The following IL27 variants were observed in gnomAD, a reference collection of about 807,000 sequenced individuals.
IL27 encodes the protein interleukin 27.
IL27 carries 11 observed loss-of-function variants against 27.0 expected under a neutral mutation model. The ratio of observed to expected loss-of-function variants is 0.41; its 90% CI spans 0.26 to 0.67. The LOEUF is 0.67. Among genes scored for constraint, IL27 ranks in the 30% least tolerant of loss-of-function variants. IL27 has a pLI of 0.34. For synonymous variants in IL27, 134 were observed against 140.6 expected (o/e 0.95, Z 0.33); for missense variants, 299 against 310.4 (o/e 0.96, Z 0.28).
chr16:28,506,740 C>A, intron 1 of IL27, 41 bp downstream of exon 1: 1 of 1,603,916 alleles, frequency 6.2e-7, no homozygotes, highest in Non-Finnish European at 8.5e-7. Context: ...CATTCTCTGC[C>A]CAAACTCAAC....
At chr16:28,500,990 G>T (rs1457180971) in intron 4 of IL27, among the ~76,000 whole-genome samples, 2 of 152,132 alleles carry the variant, frequency 1.3e-5, no homozygotes, top group African/African-American at 4.8e-5. Context: ...GCGAGGTCAG[G>T]AGTCTGAGAC....
rs914258679 is a variant in IL27 at position 28,501,434 on chromosome 16, TCA to T, written c.462+540_462+541del. ...CACACTCATACAGACCCACACACAC[TCA>T]CAGTCACACCCACACACTCACACAC... On this transcript the variant is annotated intron_variant, in intron 4 of 4. Coordinates refer to ENST00000356897, the MANE Select transcript of IL27 (RefSeq NM_145659.3). Among the ~76,000 whole-genome samples the T allele has an allele frequency of 5.7e-5, 8 of 141,400 alleles. No individual in the cohort carries two copies. The East Asian group carries it at 6.8e-4, about 12-fold the overall frequency. 92.8% of individuals were successfully genotyped at this position (141,400 alleles called of 152,430 possible). A position where few individuals can be genotyped will look rare whatever the true frequency, so the allele number is the denominator to read the frequency against.
chr16:28,505,166 T>C (rs2046454402), intron 1 of IL27, among the ~76,000 whole-genome samples: 3 of 152,226 alleles, frequency 2.0e-5, no homozygotes, highest in South Asian at 4.1e-4. Flanking sequence ...CAAGGATTCT[T>C]TGGGCTCAGC....
chr16:28,499,390 G>A lies in IL27; in HGVS notation c.*261C>T. On this transcript the variant is annotated 3_prime_UTR_variant, in exon 5 of 5. Transcript: ENST00000356897. ...ATGAGAGTGCTTTATTGGGCACCCAGCATGGGGGCTTGGCCCGAGGAGGAC... is the reference window on the plus strand; with the variant it reads ...ATGAGAGTGCTTTATTGGGCACCCAACATGGGGGCTTGGCCCGAGGAGGAC... 2.2e-6 allele frequency: 1 copy of A among 459,732 alleles called. No individual in the cohort carries two copies. Among genetic ancestry groups the A allele is most frequent in the Non-Finnish European group, 3.9e-6 (1 of 254,732 alleles). The allele number at this position is 459,732 out of a possible 1,614,324, so 28.5% of individuals were successfully genotyped here.
chr16:28,506,797 T>G lies in IL27; in HGVS notation c.15A>C (p.Ala5=), dbSNP rs529126009. The G allele has an allele frequency of 1.3e-4, 215 of 1,612,362 alleles. No homozygotes were observed. The highest frequency in any genetic ancestry group is 1.8e-4 in the Non-Finnish European group (208 of 1,179,250). Reference sequence around the variant, plus strand: ...CAAACTCACGCCAGCCAAGGTCGCCTGCCGTCTGGCCCATGGCGGGGCCCA... The same window carrying G: ...CAAACTCACGCCAGCCAAGGTCGCCGGCCGTCTGGCCCATGGCGGGGCCCA... MGQT[A]GDLGWRLSLL... is the part of the protein sequence containing the mutation. The change falls in exon 1 of 5, where the codon GCA becomes GCC. Residue 5 remains alanine, a synonymous_variant. Transcript: ENST00000356897.
At chr16:28,500,327 T>A (rs1263248177) in intron 4 of IL27, among the ~76,000 whole-genome samples, 1 of 151,382 alleles carries the variant, frequency 6.6e-6, no homozygotes, top group African/African-American at 2.4e-5. Context: ...CAGGCTGGAG[T>A]GCAGTGGGGT....
chr16:28,506,662 A>C (rs2046462499), intron 1 of IL27, 119 bp downstream of exon 1: 3 of 994,276 alleles, frequency 3.0e-6, no homozygotes, highest in Non-Finnish European at 4.5e-6. Context: ...CAGCCAGCCG[A>C]ATCCTCAGTC....
intron 3 of IL27, 48 bp from the exon 4 acceptor site, chr16:28,502,182 C>T: frequency 6.6e-7 from 1 of 1,504,652 alleles, no homozygotes; most frequent in Non-Finnish European, 9.0e-7. Flanking sequence ...CCAAGGATGG[C>T]CATATCACAC....
intron 1 of IL27, among the ~76,000 whole-genome samples, chr16:28,504,444 G>A (rs1426088765): frequency 6.6e-6 from 1 of 152,072 alleles, no homozygotes; most frequent in East Asian, 1.9e-4. Context: ...CTGTGCTCCA[G>A]CCTGGGCGAC....
In IL27 at chr16:28,506,827, C is replaced by T. The variant is rs761679850; in HGVS notation, c.-16G>A. ...TCTGGCCCATGGCGGGGCCCAGCCT[C>T]TTTGGTCAGCCATCTCCTGGGTAGG... On this transcript the variant is annotated 5_prime_UTR_variant, in exon 1 of 5. Coordinates refer to ENST00000356897, the MANE Select transcript of IL27 (RefSeq NM_145659.3). 6.2e-7 allele frequency: 1 copy of T among 1,611,258 alleles called. No individual in the cohort carries two copies. Among genetic ancestry groups the T allele is most frequent in the Non-Finnish European group, 8.5e-7 (1 of 1,178,736 alleles).
rs932977590 is a variant in IL27 at position 28,499,535 on chromosome 16, G to C, written c.*116C>G. On this transcript the variant is annotated 3_prime_UTR_variant, in exon 5 of 5. Transcript: ENST00000356897. ...CAGTTACTGGGTAGAGCCTGGGGCA[G>C]GGGGCTGGAAGAGCCCTCCCTTGTC... The C allele has an allele frequency of 2.8e-6, 2 of 725,126 alleles. No homozygotes were observed. The highest frequency in any genetic ancestry group is 3.6e-5 in the African/African-American group (2 of 56,286). The allele number at this position is 725,126 out of a possible 1,614,324, so 44.9% of individuals were successfully genotyped here.
chr16:28,505,929 G>T (rs1187411592), intron 1 of IL27, among the ~76,000 whole-genome samples: 1 of 152,098 alleles, frequency 6.6e-6, no homozygotes, highest in Non-Finnish European at 1.5e-5. Flanking sequence ...TCCCTCGTGG[G>T]CTTGCAGATG....
At position 28,499,555 on chromosome 16, in the gene IL27, C is replaced by T. The variant is rs941261799; in HGVS notation, c.*96G>A. 1.0e-6 allele frequency: 1 copy of T among 994,904 alleles called. No individual in the cohort carries two copies. The highest frequency in any genetic ancestry group is 1.6e-5 in the African/African-American group (1 of 61,776). 61.6% of individuals were successfully genotyped at this position (994,904 alleles called of 1,614,324 possible). ...GGGCAGGGGGCTGGAAGAGCCCTCCCTTGTCCAAGGCTGATGATGCGAAGG... is the reference window on the plus strand; with the variant it reads ...GGGCAGGGGGCTGGAAGAGCCCTCCTTTGTCCAAGGCTGATGATGCGAAGG... On this transcript the variant is annotated 3_prime_UTR_variant, in exon 5 of 5. Coordinates refer to ENST00000356897, the MANE Select transcript of IL27 (RefSeq NM_145659.3).
rs759479578 is a variant in IL27, at chr16:28,501,992, C to G, written c.446G>C (p.Arg149Pro). ...AMRLDLRDLQ[R>P]HLRFQVLAAG... The stretch of plus-strand genomic sequence containing the variant: ...GGGCTCTACCTGGAAGCGGAGGTGC[C>G]GCTGCAGATCGCGGAGGTCCAGCCT... Residue 149 changes from arginine to proline, a missense_variant, in exon 4 of 5, where the codon CGG (arginine) becomes CCG (proline). Arg to Pro is a moderately radical substitution (Grantham distance 103). Coordinates refer to ENST00000356897, the MANE Select transcript of IL27 (RefSeq NM_145659.3). 6.2e-7 allele frequency: 1 copy of G among 1,606,992 alleles called. No homozygotes were observed.
chr16:28,500,408 G>A (rs1247949089), intron 4 of IL27, among the ~76,000 whole-genome samples: 4 of 152,038 alleles, frequency 2.6e-5, no homozygotes, highest in Non-Finnish European at 5.9e-5. Flanking sequence ...CTGAGTAGCT[G>A]GGACTACAGA....
At chr16:28,506,430 C>T (rs570326935) in intron 1 of IL27, among the ~76,000 whole-genome samples, 6 of 152,306 alleles carry the variant, frequency 3.9e-5, no homozygotes, top group East Asian at 1.9e-4. Context: ...TTCCTCCAGC[C>T]GGCCCCATTC....
intron 3 of IL27, among the ~76,000 whole-genome samples, 178 bp downstream of exon 3, chr16:28,503,517 T>C (rs1173894577): frequency 6.6e-6 from 1 of 152,210 alleles, no homozygotes; most frequent in Non-Finnish European, 1.5e-5. Context: ...CCTCCCAAAG[T>C]GCTGGGTTTA....
rs201036697 is a variant in IL27 at position 28,499,811 on chromosome 16, C to A, written c.572G>T (p.Gly191Val). ...LPGALGSALQ[G>V]PAQVSWPQLL... ...CTGGGGCCAGGACACCTGGGCCGGG[C>A]CCTGTAAGGCGCTGCCCAGTGCCCC... Residue 191 changes from glycine (G) to valine (V), a missense_variant, in exon 5 of 5, where the codon GGC (glycine) becomes GTC (valine). Coordinates refer to ENST00000356897, the MANE Select transcript of IL27 (RefSeq NM_145659.3). 6 of 1,598,258 alleles carry A rather than the reference C, an allele frequency of 3.8e-6. No homozygotes were observed. The highest frequency in any genetic ancestry group is 1.3e-5 in the African/African-American group (1 of 74,526).
Position 28,499,881 on chromosome 16 carries a change from C to T in IL27, c.502G>A (p.Glu168Lys). 6.4e-7 allele frequency: 1 copy of T among 1,552,222 alleles called. No individual in the cohort carries two copies. The highest frequency in any genetic ancestry group is 8.7e-7 in the Non-Finnish European group (1 of 1,147,156). ...TCCTCCTCCTCCTCCTCCTCTTCCTCCTCCTCCTCCTCCGGGAGGTTGAAT... is the reference window on the plus strand; with the variant it reads ...TCCTCCTCCTCCTCCTCCTCTTCCTTCTCCTCCTCCTCCGGGAGGTTGAAT... ...AGFNLPEEEE[E>K]EEEEEEEERK... The change falls in exon 5 of 5, where the codon GAG becomes AAG. Residue 168 changes from glutamate (E) to lysine (K), a missense_variant. Transcript: ENST00000356897.
Sources: gnomAD v4.1 joint callset for allele counts (sites outside exome capture counted in the v4.1 genomes callset) on GRCh38, gnomAD v4.1.1 for gene constraint, MANE v1.5 for transcripts, NCBI Gene and HGNC (gene_info 2026-07-23, HGNC 2026-07-21) for gene names.